The following CTDP1 variants were observed in gnomAD, a reference collection of about 807,000 sequenced individuals.
The protein encoded by CTDP1 is CTD phosphatase 1.
Under a neutral mutation model 91.8 loss-of-function variants are expected in CTDP1, and 47 were observed. The observed-to-expected ratio is 0.51, with a 90% CI of 0.41 to 0.65. The LOEUF is 0.65. Among genes scored for constraint, CTDP1 ranks in the 30% least tolerant of loss-of-function variants. The probability of loss-of-function intolerance (pLI) is 0.00; values close to 1 mark genes in which losing one functional copy is unlikely to be tolerated. For synonymous variants in CTDP1, 656 were observed against 598.5 expected, an observed-to-expected ratio of 1.10 and a Z score of -1.40; for missense variants, 1,272 against 1,373.7, an observed-to-expected ratio of 0.93 and a Z score of 1.17.
At chr18:79,737,801 C>A (rs1428279891) in intron 12 of CTDP1, among the ~76,000 whole-genome samples, 2 of 152,168 alleles carry the variant, frequency 1.3e-5, no homozygotes, top group Non-Finnish European at 2.9e-5. Context: ...TATCAACACG[C>A]CAGGATTTGG....
chr18:79,715,163 C>T lies in CTDP1; in HGVS notation c.1703C>T (p.Ala568Val), dbSNP rs372817086. The change falls in exon 8 of 13, where the codon GCG becomes GTG. Residue 568 changes from alanine (A) to valine (V), a missense_variant. Physicochemically the swap from Ala to Val is moderately conservative, Grantham distance 64. This residue lies in a region of CTDP1 where 881 missense variants were observed against 911.6 expected (regional missense o/e 0.97). Transcript: ENST00000613122. ...SQNSELSGVT[A>V]GESLDQSMEE... ...AACAGCGAGCTGTCGGGGGTCACTG[C>T]GGGTGAGTCCCTGGACCAGAGCATG... The T allele has an allele frequency of 3.0e-5, 48 of 1,613,156 alleles. No homozygotes were observed. Among genetic ancestry groups the T allele is most frequent in the Non-Finnish European group, 3.6e-5 (42 of 1,179,852 alleles).
chr18:79,744,592 CAA>C (rs2086841406), intron 12 of CTDP1, among the ~76,000 whole-genome samples: 1 of 152,154 alleles, frequency 6.6e-6, no homozygotes, highest in South Asian at 2.1e-4. Context: ...TGAATTTAAA[CAA>C]AGAATGCTTC....
intron 5 of CTDP1, among the ~76,000 whole-genome samples, chr18:79,705,299 T>C (rs1000180484): frequency 1.3e-5 from 2 of 152,172 alleles, no homozygotes; most frequent in African/African-American, 4.8e-5. Flanking sequence ...GATTGTCCCC[T>C]GCCTACACAT....
At chr18:79,689,722 A>G (rs1015151990) in intron 1 of CTDP1, among the ~76,000 whole-genome samples, 1 of 152,250 alleles carries the variant, frequency 6.6e-6, no homozygotes, top group Non-Finnish European at 1.5e-5. Context: ...CAGAGATTGC[A>G]GTGAGCTAAG....
At chr18:79,708,547 T>G (rs947152929) in intron 5 of CTDP1, among the ~76,000 whole-genome samples, 2 of 152,238 alleles carry the variant, frequency 1.3e-5, no homozygotes, top group Non-Finnish European at 2.9e-5. Flanking sequence ...GGACCCCGTG[T>G]GCCATGCAGA....
In CTDP1 at chr18:79,728,969, A is replaced by T. The variant is rs756792331; in HGVS notation, c.2480A>T (p.Glu827Val). ...GAGCTGCCTGACGCTCAGGACGGAG[A>T]GCAGCCTGGCCCTTCTAGAAGAAAG... ...GEELPDAQDG[E>V]QPGPSRRKRQ... Residue 827 changes from glutamate to valine, a missense_variant, in exon 11 of 13, where the codon GAG becomes GTG. Physicochemically the swap from Glu to Val is moderately radical, Grantham distance 121 (BLOSUM62 -2). Coordinates refer to ENST00000613122, the MANE Select transcript of CTDP1 (RefSeq NM_004715.5). The T allele has an allele frequency of 5.6e-6, 9 of 1,614,188 alleles. No individual in the cohort carries two copies. Among genetic ancestry groups the T allele is most frequent in the Non-Finnish European group, 7.6e-6 (9 of 1,180,040 alleles).
chr18:79,677,306 T>A (rs2085267060), upstream of CTDP1: 1 of 152,246 alleles, frequency 6.6e-6, no homozygotes, highest in Non-Finnish European at 1.5e-5. Context: ...AGAGTTTAAT[T>A]GAGCAAAGAA....
rs921946100 is a variant in CTDP1 at position 79,754,228 on chromosome 18, C to T, written c.*438C>T. 24 of 241,120 alleles carry T rather than the reference C, an allele frequency of 1.0e-4. No individual in the cohort carries two copies. The highest frequency in any genetic ancestry group is 1.6e-4 in the Non-Finnish European group (19 of 120,286). The allele number at this position is 241,120 out of a possible 1,614,324, so 14.9% of individuals were successfully genotyped here. On this transcript the variant is annotated 3_prime_UTR_variant, in exon 13 of 13. Coordinates refer to ENST00000613122, the MANE Select transcript of CTDP1 (RefSeq NM_004715.5). Reference sequence around the variant, plus strand: ...AGCCCAGCACAGACATGCCTGGAACCCCCGCCGCCTGCTGCTCCCTCCTAG... The same window carrying T: ...AGCCCAGCACAGACATGCCTGGAACTCCCGCCGCCTGCTGCTCCCTCCTAG...
rs547349612 is a variant in CTDP1 at position 79,722,577 on chromosome 18, G to A, written c.2417+4561G>A. On this transcript the variant is annotated intron_variant, in intron 10 of 12. Transcript: ENST00000613122. ...GGGAAGCAGCGTTGTTGTGGCTGCA[G>A]CAGCGGGCCCCCTGGTCTGGGTGAT... Among the ~76,000 whole-genome samples, 9 of 152,342 alleles carry A rather than the reference G, an allele frequency of 5.9e-5. No individual in the cohort carries two copies. In the East Asian group the frequency reaches 1.3e-3, roughly 23 times the overall value.
Position 79,714,648 on chromosome 18 carries a change from C to T in CTDP1, c.1188C>T (p.Pro396=). Residue 396 remains proline, a synonymous_variant, in exon 8 of 13, where the codon CCC becomes CCT. Transcript: ENST00000613122. The part of the protein sequence containing the change: ...GSEAATPRDS[P]RPGKPDERDI... The stretch of plus-strand genomic sequence containing the variant: ...AGGCCGCCACCCCGCGGGACTCACC[C>T]CGCCCCGGGAAGCCAGACGAGAGGG... 2 of 1,612,198 alleles carry T rather than the reference C, an allele frequency of 1.2e-6. No homozygotes were observed. Among genetic ancestry groups the T allele is most frequent in the Non-Finnish European group, 1.7e-6 (2 of 1,179,676 alleles).
chr18:79,724,558 C>T (rs910873659), intron 10 of CTDP1, among the ~76,000 whole-genome samples: 7 of 152,166 alleles, frequency 4.6e-5, no homozygotes, highest in Non-Finnish European at 8.8e-5. Context: ...ACCCATCACT[C>T]CTGTGTTTGT....
chr18:79,705,937 C>T (rs913404415), intron 5 of CTDP1, among the ~76,000 whole-genome samples: 3 of 152,304 alleles, frequency 2.0e-5, no homozygotes, highest in East Asian at 1.9e-4. Flanking sequence ...GATGTGAAGA[C>T]GAGTAATTAT....
intron 12 of CTDP1, among the ~76,000 whole-genome samples, chr18:79,740,282 C>G (rs1284422554): frequency 6.6e-6 from 1 of 152,186 alleles, no homozygotes; most frequent in African/African-American, 2.4e-5. Context: ...GCGATAGCAG[C>G]CTGACTGCTG....
intron 10 of CTDP1, among the ~76,000 whole-genome samples, chr18:79,721,546 C>T (rs1196303004): frequency 2.0e-5 from 3 of 152,218 alleles, no homozygotes; most frequent in South Asian, 2.1e-4. Flanking sequence ...AGCAGCCACA[C>T]GATCAGTACT....
In CTDP1 at chr18:79,753,735, C is replaced by T; in HGVS notation, c.2831C>T (p.Ser944Phe). 1 of 1,613,948 alleles carries T rather than the reference C, an allele frequency of 6.2e-7. No individual in the cohort carries two copies. Among genetic ancestry groups the T allele is most frequent in the South Asian group, 1.1e-5 (1 of 91,076 alleles). The change falls in exon 13 of 13, where the codon TCC (serine) becomes TTC (phenylalanine). Residue 944 changes from serine to phenylalanine, a missense_variant. Physicochemically the swap from Ser to Phe is radical, Grantham distance 155. Around this residue, in one of 3 missense-constraint regions of CTDP1, gnomAD observed 881 missense variants for 911.6 expected, o/e 0.97. Coordinates refer to ENST00000613122, the MANE Select transcript of CTDP1 (RefSeq NM_004715.5). ...ESSNEDEGSS[S>F]EADEMAKALE... is the part of the protein sequence containing the mutation. Reference sequence around the variant, plus strand: ...AGCAACGAGGATGAGGGCAGCAGCTCCGAGGCCGACGAGATGGCCAAGGCG... The same window carrying T: ...AGCAACGAGGATGAGGGCAGCAGCTTCGAGGCCGACGAGATGGCCAAGGCG...
Position 79,715,052 on chromosome 18 carries a change from G to A in CTDP1, c.1592G>A (p.Gly531Asp), listed in dbSNP as rs958525590. The change falls in exon 8 of 13, where the codon GGT becomes GAT. Residue 531 changes from glycine (G) to aspartate (D), a missense_variant. Gly to Asp is a moderately conservative substitution (Grantham distance 94). Around this residue, in one of 3 missense-constraint regions of CTDP1, gnomAD observed 881 missense variants for 911.6 expected, o/e 0.97. Coordinates refer to ENST00000613122, the MANE Select transcript of CTDP1 (RefSeq NM_004715.5). The part of the protein sequence containing the change: ...AHAPDKEPEL[G>D]GQEEGERDGL... ...GCCCCGGACAAGGAGCCTGAGCTGGGTGGGCAGGAGGAGGGCGAGCGGGAT... is the reference window on the plus strand; with the variant it reads ...GCCCCGGACAAGGAGCCTGAGCTGGATGGGCAGGAGGAGGGCGAGCGGGAT... The A allele has an allele frequency of 2.5e-5, 40 of 1,610,558 alleles. No individual in the cohort carries two copies. The highest frequency in any genetic ancestry group is 3.2e-5 in the Non-Finnish European group (38 of 1,178,990).
chr18:79,681,681 T>C (rs1422369549), intron 1 of CTDP1, among the ~76,000 whole-genome samples: 1 of 152,070 alleles, frequency 6.6e-6, no homozygotes, highest in East Asian at 1.9e-4. Context: ...CTGTTTGAGA[T>C]CTTGGGGTAC....
chr18:79,714,484 T>C lies in CTDP1; in HGVS notation c.1031-7T>C, dbSNP rs1317356277. ...GCGGTAACTTTTCCTTTTGCATGCA[T>C]ATTTAGTAAATCATTCTCGAGGCAC... is the stretch of plus-strand genomic sequence containing the variant. On this transcript the variant is annotated splice_region_variant and splice_polypyrimidine_tract_variant and intron_variant, in intron 7 of 12. Transcript: ENST00000613122. 8 of 1,613,066 alleles carry C rather than the reference T, an allele frequency of 5.0e-6. No homozygotes were observed. In the East Asian group the frequency reaches 8.9e-5, roughly 18 times the overall value.
chr18:79,713,128 G>A lies in CTDP1; in HGVS notation c.1020G>A (p.Thr340=), dbSNP rs907946328. ...NAPPGSRESQ[T]RKKVNHSRGT... ...CCCCTGGGTCCCGAGAATCTCAGAC[G>A]AGAAAGAAAGGTGGGTAACCTCCTT... The change falls in exon 7 of 13, where the codon ACG becomes ACA. Residue 340 remains threonine, a synonymous_variant. Transcript: ENST00000613122. This position sits in a 1 kb window ranked among gnomAD's most constrained non-coding sequence, Gnocchi z 4.7. 82 of 1,613,872 alleles carry A rather than the reference G, an allele frequency of 5.1e-5. No individual in the cohort carries two copies. The highest frequency in any genetic ancestry group is 6.7e-5 in the Admixed American group (4 of 59,990).
Sources: allele counts gnomAD v4.1 joint callset (sites outside exome capture counted in the v4.1 genomes callset), GRCh38; gene constraint gnomAD v4.1.1; regional missense constraint gnomAD v4.1.1; non-coding constraint Gnocchi (gnomAD v3.1); transcripts MANE v1.5; gene names NCBI Gene and HGNC (gene_info 2026-07-23, HGNC 2026-07-21).